RBM14: variants seen among roughly 807,000 people sequenced by gnomAD.
The protein encoded by RBM14 is RNA-binding protein 14.
In RBM14, 5 loss-of-function variants were observed where a neutral mutation model predicts 52.8. The ratio of observed to expected loss-of-function variants is 0.09; its 90% CI spans 0.05 to 0.20. RBM14 has a LOEUF of 0.20. Among genes scored for constraint, RBM14 ranks in the 10% least tolerant of loss-of-function variants. RBM14 has a pLI of 1.00. For missense variants in RBM14, 780 were observed against 926.6 expected (o/e 0.84, Z 2.05); for synonymous variants, 411 against 401.8 (o/e 1.02, Z -0.28).
In RBM14 at chr11:66,628,349, T is replaced by G. The variant is rs1937910228; in HGVS notation, c.*1681T>G. The stretch of plus-strand genomic sequence containing the variant: ...TACTGGGGCAAGGCGACTGGGGAGG[T>G]GTACGTGTTAGTCAAGTGGAGGTCA... On this transcript the variant is annotated 3_prime_UTR_variant, in exon 3 of 3. Transcript: ENST00000310137. Among the ~76,000 whole-genome samples the G allele has an allele frequency of 6.6e-6, 1 of 151,850 alleles. No individual in the cohort carries two copies. Among genetic ancestry groups the G allele is most frequent in the Non-Finnish European group, 1.5e-5 (1 of 67,964 alleles).
intron 1 of RBM14, among the ~76,000 whole-genome samples, chr11:66,622,790 G>T (rs890212521): frequency 6.6e-6 from 1 of 152,172 alleles, no homozygotes; most frequent in Non-Finnish European, 1.5e-5. Flanking sequence ...AGGTTATTAA[G>T]AATGTTTCTT....
At chr11:66,617,239 C>T (rs899365826) in intron 1 of RBM14, 182 bp downstream of exon 1, 2 of 1,405,354 alleles carry the variant, frequency 1.4e-6, no homozygotes, top group Admixed American at 3.0e-5. Flanking sequence ...GTCCAGGAAC[C>T]GTCCACCAAG....
In RBM14 at chr11:66,616,928, A is replaced by G; in HGVS notation, c.208A>G (p.Met70Val). Residue 70 changes from methionine (M) to valine (V), a missense_variant, in exon 1 of 3, where the codon ATG (methionine) becomes GTG (valine). Coordinates refer to ENST00000310137, the MANE Select transcript of RBM14 (RefSeq NM_006328.4). ...LRPGRALVVE[M>V]SRPRPLNTWK... ...GCCGGGGCGCGCGCTCGTGGTGGAG[A>G]TGTCGCGCCCAAGGCCTCTTAATAC... 6.2e-7 allele frequency: 1 copy of G among 1,611,732 alleles called. No homozygotes were observed. Among genetic ancestry groups the G allele is most frequent in the Non-Finnish European group, 8.5e-7 (1 of 1,179,352 alleles).
At chr11:66,622,940 A>T (rs375192529) in intron 1 of RBM14, among the ~76,000 whole-genome samples, 3 of 152,288 alleles carry the variant, frequency 2.0e-5, no homozygotes, top group African/African-American at 7.2e-5. Context: ...TAGGGGCAGG[A>T]TTCTCTCCTT....
At position 66,625,691 on chromosome 11, in the gene RBM14, C is replaced by T. The variant is rs199691878; in HGVS notation, c.1802+13C>T. ...CCATGTCGAAAAGGTACTGTATGCC[C>T]CCCCGCCTCTGCCCCCAGCTGGGGC... On this transcript the variant is annotated intron_variant, in intron 2 of 2. Transcript: ENST00000310137. The surrounding 1 kb of genome is among the most constrained non-coding windows in gnomAD (Gnocchi z 4.2). The T allele has an allele frequency of 4.3e-5, 68 of 1,564,494 alleles. 1 individual carries two copies. The highest frequency in any genetic ancestry group is 2.7e-5 in the Non-Finnish European group (31 of 1,152,434).
rs1937693751 is a variant in RBM14 at position 66,624,490 on chromosome 11, C to A, written c.614C>A (p.Pro205His). The change falls in exon 2 of 3, where the codon CCC (proline) becomes CAC (histidine). Residue 205 changes from proline (P) to histidine (H), a missense_variant. This residue lies in a region of RBM14 where 675 missense variants were observed against 697.3 expected (regional missense o/e 0.97). Coordinates refer to ENST00000310137, the MANE Select transcript of RBM14 (RefSeq NM_006328.4). This position sits in a 1 kb window ranked among gnomAD's most constrained non-coding sequence, Gnocchi z 4.7. ...GGCTTTGATGGGCAAGCCCGTCAGC[C>A]CACACCACCCTTCTTTGGTCGCGAC... The part of the protein sequence containing the change: ...TGGFDGQARQ[P>H]TPPFFGRDRS... The A allele has an allele frequency of 6.2e-7, 1 of 1,613,022 alleles. No homozygotes were observed. Among genetic ancestry groups the A allele is most frequent in the Non-Finnish European group, 8.5e-7 (1 of 1,179,216 alleles).
At chr11:66,617,184 G>A in intron 1 of RBM14, 127 bp downstream of exon 1, 2 of 1,450,238 alleles carry the variant, frequency 1.4e-6, no homozygotes, top group Non-Finnish European at 1.8e-6. Flanking sequence ...GAGCAGGTCG[G>A]AGGTGTTGGG....
rs1381646730 is a variant in RBM14 at position 66,616,726 on chromosome 11, G to A, written c.6G>A (p.Lys2=). Residue 2 remains lysine (K), a synonymous_variant, in exon 1 of 3, where the codon AAG becomes AAA. Coordinates refer to ENST00000310137, the MANE Select transcript of RBM14 (RefSeq NM_006328.4). The part of the protein sequence containing the change: M[K]IFVGNVDGAD... ...AAGGTGGCTGCGGCGACAAAATGAA[G>A]ATATTCGTGGGCAACGTCGACGGGG... 7.5e-6 allele frequency: 12 copies of A among 1,591,844 alleles called. No homozygotes were observed. Among genetic ancestry groups the A allele is most frequent in the Non-Finnish European group, 1.0e-5 (12 of 1,163,980 alleles).
rs772622956 is a variant in RBM14, at chr11:66,616,786, T to C, written c.66T>C (p.Phe22=). Residue 22 remains phenylalanine (F), a synonymous_variant, in exon 1 of 3, where the codon TTT becomes TTC. Transcript: ENST00000310137. ...DTTPEELAAL[F]APYGTVMSCA... ...CTCCGGAGGAGCTGGCAGCCCTCTT[T>C]GCGCCCTACGGCACGGTCATGAGCT... 1 of 1,607,742 alleles carries C rather than the reference T, an allele frequency of 6.2e-7. No homozygotes were observed. The highest frequency in any genetic ancestry group is 2.2e-5 in the East Asian group (1 of 44,656).
Position 66,624,630 on chromosome 11 carries a change from C to G in RBM14, c.754C>G (p.Gln252Glu), listed in dbSNP as rs780918785. Reference protein sequence around the residue: ...SVSLGAAYRAQPSASLGVGYR... With the variant: ...SVSLGAAYRAEPSASLGVGYR... ...GTCACTGGGAGCTGCCTACAGGGCC[C>G]AGCCTTCTGCCTCTTTGGGTGTTGG... The change falls in exon 2 of 3, where the codon CAG becomes GAG. Residue 252 changes from glutamine (Q) to glutamate (E), a missense_variant. Transcript: ENST00000310137. The surrounding 1 kb of genome is among the most constrained non-coding windows in gnomAD (Gnocchi z 4.7). 1.2e-6 allele frequency: 2 copies of G among 1,612,932 alleles called. No individual in the cohort carries two copies. The highest frequency in any genetic ancestry group is 1.7e-6 in the Non-Finnish European group (2 of 1,179,984).
chr11:66,624,586 A>G lies in RBM14; in HGVS notation c.710A>G (p.Tyr237Cys), dbSNP rs1418435130. The change falls in exon 2 of 3, where the codon TAC (tyrosine) becomes TGC (cysteine). Residue 237 changes from tyrosine to cysteine, a missense_variant. Transcript: ENST00000310137. The surrounding 1 kb of genome is among the most constrained non-coding windows in gnomAD (Gnocchi z 4.7). ...CCTCTGACGGCCCAGCCAGCTACCTACCGGGCCCAGCCGTCCGTGTCACTG... is the reference window on the plus strand; with the variant it reads ...CCTCTGACGGCCCAGCCAGCTACCTGCCGGGCCCAGCCGTCCGTGTCACTG... ...VAPLTAQPAT[Y>C]RAQPSVSLGA... The G allele has an allele frequency of 3.7e-6, 6 of 1,611,846 alleles. No homozygotes were observed. The highest frequency in any genetic ancestry group is 2.2e-5 in the East Asian group (1 of 44,882).
At chr11:66,620,164 T>G (rs938134071) in intron 1 of RBM14, among the ~76,000 whole-genome samples, 2 of 152,246 alleles carry the variant, frequency 1.3e-5, no homozygotes, top group Non-Finnish European at 2.9e-5. Flanking sequence ...GGCTTATCAC[T>G]ACAGGATGCA....
In RBM14 at chr11:66,624,901, G is replaced by A; in HGVS notation, c.1025G>A (p.Gly342Asp). Residue 342 changes from glycine (G) to aspartate (D), a missense_variant, in exon 2 of 3, where the codon GGT becomes GAT. Around this residue, in one of 4 missense-constraint regions of RBM14, gnomAD observed 675 missense variants for 697.3 expected, o/e 0.97. Transcript: ENST00000310137. This position sits in a 1 kb window ranked among gnomAD's most constrained non-coding sequence, Gnocchi z 4.7. ...GAQGSSLASY[G>D]NQPSSYGAQA... The stretch of plus-strand genomic sequence containing the variant: ...CAGGGTTCCTCCCTTGCCTCCTATG[G>A]TAACCAGCCATCCTCTTACGGCGCC... 1 of 1,613,484 alleles carries A rather than the reference G, an allele frequency of 6.2e-7. No homozygotes were observed. Among genetic ancestry groups the A allele is most frequent in the Middle Eastern group, 1.7e-4 (1 of 6,058 alleles).
intron 1 of RBM14, chr11:66,617,606 G>A (rs1267110511): frequency 8.4e-5 from 82 of 979,010 alleles, no homozygotes; most frequent in Non-Finnish European, 9.6e-5. Context: ...TGTCTGGCAT[G>A]GGTCTACTCA....
At chr11:66,619,161 A>G (rs919642820) in intron 1 of RBM14, 1 of 152,320 alleles carries the variant, frequency 6.6e-6, no homozygotes, top group Admixed American at 6.5e-5. Context: ...AGTAGAAGCG[A>G]CTGGCTCTCT....
intron 1 of RBM14, chr11:66,617,552 T>TA: frequency 1.0e-6 from 1 of 989,254 alleles, no homozygotes; most frequent in Non-Finnish European, 1.2e-6. Context: ...AAGCGGAAGG[T>TA]AACGGGGCCC....
At position 66,624,581 on chromosome 11, in the gene RBM14, T is replaced by C. The variant is rs2135020532; in HGVS notation, c.705T>C (p.Ala235=). 8 of 1,612,264 alleles carry C rather than the reference T, an allele frequency of 5.0e-6. No homozygotes were observed. Among genetic ancestry groups the C allele is most frequent in the Non-Finnish European group, 6.8e-6 (8 of 1,179,982 alleles). Residue 235 remains alanine, a synonymous_variant, in exon 2 of 3, where the codon GCT becomes GCC. Transcript: ENST00000310137. The surrounding 1 kb of genome is among the most constrained non-coding windows in gnomAD (Gnocchi z 4.7). The stretch of plus-strand genomic sequence containing the variant: ...TGGCTCCTCTGACGGCCCAGCCAGC[T>C]ACCTACCGGGCCCAGCCGTCCGTGT... ...SYVAPLTAQP[A]TYRAQPSVSL...
intron 1 of RBM14, chr11:66,623,899 A>G (rs1188286614): frequency 1.4e-6 from 1 of 717,688 alleles, no homozygotes; most frequent in Non-Finnish European, 2.6e-6. Flanking sequence ...TTGTACTTAC[A>G]GGAGATGTGA....
chr11:66,617,082 C>CG (rs759780633), intron 1 of RBM14, 25 bp downstream of exon 1: 13 of 1,552,058 alleles, frequency 8.4e-6, no homozygotes, highest in Non-Finnish European at 1.1e-5. Context: ...CGCTCGGGGG[C>CG]GGGGGCGCGC....
Sources: allele counts gnomAD v4.1 joint callset (sites outside exome capture counted in the v4.1 genomes callset), GRCh38; gene constraint gnomAD v4.1.1; regional missense constraint gnomAD v4.1.1; non-coding constraint Gnocchi (gnomAD v3.1); transcripts MANE v1.5; gene names NCBI Gene and HGNC (gene_info 2026-07-23, HGNC 2026-07-21).